PCDHA10: variants seen among roughly 807,000 people sequenced by gnomAD.
The protein encoded by PCDHA10 is protocadherin alpha-10.
In PCDHA10, 45 loss-of-function variants were observed where a neutral mutation model predicts 61.2. That is an observed-to-expected ratio of 0.74 (90% CI 0.58 to 0.94). The LOEUF (loss-of-function observed/expected upper bound fraction) is 0.94. Among genes scored for constraint, PCDHA10 ranks in the 40% least tolerant of loss-of-function variants. The pLI is 0.00. For missense variants in PCDHA10, 1,278 were observed against 1,236.2 expected, an observed-to-expected ratio of 1.03 and a Z score of -0.51; for synonymous variants, 602 against 548.8, an observed-to-expected ratio of 1.10 and a Z score of -1.35.
intron 1 of PCDHA10, chr5:140,859,530 T>G (rs535138857): frequency 5.6e-4 from 108 of 191,500 alleles, no homozygotes; most frequent in Non-Finnish European, 9.8e-4. Context: ...TAAAAAAAAT[T>G]TATTAATTCT....
chr5:140,876,979 G>A (rs1554169178), intron 1 of PCDHA10: 2 of 1,612,614 alleles, frequency 1.2e-6, no homozygotes, highest in South Asian at 2.2e-5. Flanking sequence ...GGGCGAGCAC[G>A]CACTGTCGAG....
intron 1 of PCDHA10, among the ~76,000 whole-genome samples, chr5:140,887,453 T>C (rs2061454477): frequency 6.6e-6 from 1 of 152,178 alleles, no homozygotes; most frequent in Non-Finnish European, 1.5e-5. Flanking sequence ...TGACAGTTTT[T>C]TAAAAGATAT....
At chr5:140,884,169 C>CG (rs2153400955) in intron 1 of PCDHA10, 1 of 1,613,426 alleles carries the variant, frequency 6.2e-7, no homozygotes, top group East Asian at 2.2e-5. Context: ...ATCAGCACGA[C>CG]GCGCCCTCTG....
intron 1 of PCDHA10, chr5:140,869,955 T>G: frequency 2.5e-6 from 4 of 1,612,860 alleles, no homozygotes; most frequent in Non-Finnish European, 3.4e-6. Flanking sequence ...TAATGTCAAT[T>G]AAGCCCAATG....
At chr5:140,965,911 G>C (rs1476309026) in intron 1 of PCDHA10, among the ~76,000 whole-genome samples, 1 of 152,206 alleles carries the variant, frequency 6.6e-6, no homozygotes, top group African/African-American at 2.4e-5. Context: ...CCAGGATGCT[G>C]GTTTTAGGCT....
At chr5:140,868,000 C>G (rs2050232725) in intron 1 of PCDHA10, 1 of 152,022 alleles carries the variant, frequency 6.6e-6, no homozygotes, top group Non-Finnish European at 1.5e-5. Flanking sequence ...ATGAATATAA[C>G]TGAATTAGAT....
chr5:140,878,468 A>G (rs2057603759), intron 1 of PCDHA10, among the ~76,000 whole-genome samples: 1 of 152,188 alleles, frequency 6.6e-6, no homozygotes, highest in Non-Finnish European at 1.5e-5. Flanking sequence ...TAATAAAATC[A>G]TTTCTCAATT....
intron 1 of PCDHA10, among the ~76,000 whole-genome samples, chr5:140,924,901 A>AAAT (rs1554202313): frequency 5.5e-4 from 44 of 80,500 alleles, no homozygotes; most frequent in Non-Finnish European, 9.1e-4. Flanking sequence ...TCTCAAAAAA[A>AAAT]AAAATAAAAT....
chr5:140,927,280 C>G, intron 1 of PCDHA10: 1 of 1,614,178 alleles, frequency 6.2e-7, no homozygotes, highest in Non-Finnish European at 8.5e-7. Flanking sequence ...CGGCGACGTG[C>G]AGCTGCACAT....
At chr5:140,882,016 A>C (rs1403488174) in intron 1 of PCDHA10, 1 of 543,846 alleles carries the variant, frequency 1.8e-6, no homozygotes, top group Non-Finnish European at 3.0e-6. Flanking sequence ...AAAAAATACT[A>C]CATCAATGGA....
chr5:140,863,257 C>G (rs1158491669), intron 1 of PCDHA10: 1 of 1,442,346 alleles, frequency 6.9e-7, no homozygotes, highest in Non-Finnish European at 9.4e-7. Context: ...CGTCGAGGTC[C>G]GGGAGGCAGC....
chr5:140,945,022 A>G (rs926595272), intron 1 of PCDHA10, among the ~76,000 whole-genome samples: 2 of 152,140 alleles, frequency 1.3e-5, no homozygotes, highest in Non-Finnish European at 2.9e-5. Flanking sequence ...TTTTTTACTC[A>G]GACATAATTA....
chr5:140,922,434 C>T (rs1167616099), intron 1 of PCDHA10, among the ~76,000 whole-genome samples: 1 of 152,180 alleles, frequency 6.6e-6, no homozygotes, highest in Admixed American at 6.5e-5. Flanking sequence ...GAGGGCAGAA[C>T]TCTCTCATTA....
At chr5:140,937,769 G>C (rs908179495) in intron 1 of PCDHA10, among the ~76,000 whole-genome samples, 1 of 151,776 alleles carries the variant, frequency 6.6e-6, no homozygotes, top group Non-Finnish European at 1.5e-5. Context: ...AAAATTAGTC[G>C]GGCGTGGTGG....
intron 1 of PCDHA10, among the ~76,000 whole-genome samples, chr5:140,903,075 C>T (rs2069986128): frequency 6.6e-6 from 1 of 152,114 alleles, no homozygotes; most frequent in Non-Finnish European, 1.5e-5. Flanking sequence ...TGGGTAGATA[C>T]CTGATAGTGG....
chr5:140,992,382 G>A (rs1275662967), intron 3 of PCDHA10, among the ~76,000 whole-genome samples: 3 of 152,140 alleles, frequency 2.0e-5, no homozygotes, highest in Non-Finnish European at 4.4e-5. Flanking sequence ...ACATTATTGT[G>A]TTCTGGACTT....
chr5:140,973,126 T>C (rs1554234908), intron 1 of PCDHA10, among the ~76,000 whole-genome samples: 1 of 152,144 alleles, frequency 6.6e-6, no homozygotes, highest in Non-Finnish European at 1.5e-5. Flanking sequence ...ATGAATTAAG[T>C]TTGCATTCAC....
intron 1 of PCDHA10, among the ~76,000 whole-genome samples, chr5:140,874,815 A>T (rs2055116009): frequency 6.6e-6 from 1 of 152,262 alleles, no homozygotes; most frequent in Non-Finnish European, 1.5e-5. Context: ...AAGACAATTT[A>T]TATAAATGAA....
chr5:140,870,879 G>T (rs1554164779), intron 1 of PCDHA10: 2 of 1,613,952 alleles, frequency 1.2e-6, no homozygotes, highest in African/African-American at 2.7e-5. Context: ...TGGTGGCGAA[G>T]GTGCGCGCAG....
Sources: gnomAD v4.1 joint callset for allele counts (sites outside exome capture counted in the v4.1 genomes callset) on GRCh38, gnomAD v4.1.1 for gene constraint, MANE v1.5 for transcripts, NCBI Gene and HGNC (gene_info 2026-07-23, HGNC 2026-07-21) for gene names.